RORB: variants seen among roughly 807,000 people sequenced by gnomAD.
The protein encoded by RORB is nuclear receptor ROR-beta.
A neutral mutation model predicts 59.1 loss-of-function variants in RORB; 6 were observed. That is an observed-to-expected ratio of 0.10 (90% CI 0.06 to 0.20). The LOEUF is 0.20. Ranked by LOEUF, RORB falls within the 10% of genes least tolerant of loss-of-function variation. The pLI, the probability that RORB is intolerant of heterozygous loss-of-function variation, is 1.00. For synonymous variants in RORB, 215 were observed against 204.5 expected (o/e 1.05, Z -0.44); for missense variants, 320 against 560.5 (o/e 0.57, Z 4.33).
At chr9:74,637,436 T>G (rs750455721) in intron 3 of RORB, among the ~76,000 whole-genome samples, 1 of 152,186 alleles carries the variant, frequency 6.6e-6, no homozygotes, top group Non-Finnish European at 1.5e-5. Context: ...AAATTTAGCT[T>G]AAACGAAGAA....
chr9:74,507,149 T>C (rs920747492), intron 1 of RORB, among the ~76,000 whole-genome samples: 1 of 152,114 alleles, frequency 6.6e-6, no homozygotes, highest in Non-Finnish European at 1.5e-5. Flanking sequence ...ATGTTATGCC[T>C]GGGCCAGTGT....
chr9:74,649,680 A>C lies in RORB; in HGVS notation c.637+6865A>C, dbSNP rs145710122. Among the ~76,000 whole-genome samples the C allele has an allele frequency of 1.3e-3, 202 of 152,340 alleles. 1 individual carries two copies. The highest frequency in any genetic ancestry group is 4.6e-3 in the African/African-American group (193 of 41,572). On this transcript the variant is annotated intron_variant, in intron 4 of 9. Transcript: ENST00000376896. ...ATAAATGGTAGAATGTATACAAAGC[A>C]CTTTGTAACCAGCCAGTTTCCAAAC...
chr9:74,582,741 CT>C (rs1296700306), intron 1 of RORB, among the ~76,000 whole-genome samples: 2 of 152,174 alleles, frequency 1.3e-5, no homozygotes, highest in Non-Finnish European at 2.9e-5. Flanking sequence ...ACCCTGCCGT[CT>C]TGTGCCCATC....
intron 1 of RORB, among the ~76,000 whole-genome samples, chr9:74,599,331 C>T (rs901505747): frequency 5.9e-5 from 9 of 151,888 alleles, no homozygotes; most frequent in East Asian, 5.8e-4. Flanking sequence ...AAAAATGCCA[C>T]GAATTGAAAT....
At chr9:74,683,547 A>T (rs1444093513) in intron 9 of RORB, among the ~76,000 whole-genome samples, 4 of 152,142 alleles carry the variant, frequency 2.6e-5, no homozygotes, top group African/African-American at 9.7e-5. Context: ...CCACTGCTGC[A>T]GCGACTCTGA....
At chr9:74,609,060 T>C (rs1359211614) in intron 1 of RORB, among the ~76,000 whole-genome samples, 3 of 152,228 alleles carry the variant, frequency 2.0e-5, no homozygotes, top group Non-Finnish European at 4.4e-5. Context: ...TATACCCCCA[T>C]TATTCCCATA....
At chr9:74,665,193 A>G (rs1399672618) in intron 6 of RORB, among the ~76,000 whole-genome samples, 3 of 152,226 alleles carry the variant, frequency 2.0e-5, no homozygotes, top group Non-Finnish European at 4.4e-5. Context: ...AATTCCTCAT[A>G]TAAGTATCAA....
At chr9:74,568,356 A>C (rs17612113) in intron 1 of RORB, among the ~76,000 whole-genome samples, 15,180 of 152,114 alleles carry the variant, frequency 0.1, 987 homozygotes, top group Non-Finnish European at 0.13. Flanking sequence ...AATGATGAAA[A>C]TTAGCACAAT....
chr9:74,498,010 TC>T (rs746181141), intron 1 of RORB, 27 bp downstream of exon 1: 24 of 1,606,036 alleles, frequency 1.5e-5, no homozygotes, highest in Non-Finnish European at 2.0e-5. Context: ...GCACCGAGGC[TC>T]CCCGAGTCCG....
intron 1 of RORB, among the ~76,000 whole-genome samples, chr9:74,608,596 G>A (rs1399236444): frequency 6.7e-6 from 1 of 150,094 alleles, no homozygotes; most frequent in Non-Finnish European, 1.5e-5. Flanking sequence ...TAGTTCCTTT[G>A]TTTTCTATTC....
intron 1 of RORB, among the ~76,000 whole-genome samples, chr9:74,523,151 A>T (rs955410348): frequency 6.6e-6 from 1 of 151,642 alleles, no homozygotes; most frequent in Non-Finnish European, 1.5e-5. Context: ...ACATTTTCTT[A>T]CAAGTCTGTT....
chr9:74,636,811 A>T (rs1823711592), intron 3 of RORB, among the ~76,000 whole-genome samples: 1 of 152,180 alleles, frequency 6.6e-6, no homozygotes. Flanking sequence ...GTAGCAGAAG[A>T]GAAAACAAAT....
intron 1 of RORB, among the ~76,000 whole-genome samples, chr9:74,500,904 TTGTC>T (rs1587328173): frequency 6.6e-6 from 1 of 151,884 alleles, no homozygotes; most frequent in Non-Finnish European, 1.5e-5. Flanking sequence ...CTTTCATCCT[TTGTC>T]TGTGAGAGGG....
At chr9:74,648,644 C>T (rs1286544453) in intron 4 of RORB, among the ~76,000 whole-genome samples, 1 of 152,162 alleles carries the variant, frequency 6.6e-6, no homozygotes, top group African/African-American at 2.4e-5. Flanking sequence ...ATGACCCAGC[C>T]AAACATGCAG....
intron 1 of RORB, among the ~76,000 whole-genome samples, chr9:74,523,796 G>A (rs1300226720): frequency 2.0e-5 from 3 of 151,716 alleles, no homozygotes. Flanking sequence ...GTTTCCTGTT[G>A]AATCTTCCTT....
chr9:74,540,157 A>T (rs1826383314), intron 1 of RORB, among the ~76,000 whole-genome samples: 1 of 152,010 alleles, frequency 6.6e-6, no homozygotes, highest in Non-Finnish European at 1.5e-5. Context: ...TTTAAAAAAT[A>T]TATTTTGTTT....
chr9:74,539,436 A>G (rs906318190), intron 1 of RORB, among the ~76,000 whole-genome samples: 1 of 152,186 alleles, frequency 6.6e-6, no homozygotes, highest in Non-Finnish European at 1.5e-5. Flanking sequence ...AACAAATAAA[A>G]GAAACAAAAT....
rs140669220 is a variant in RORB at position 74,589,092 on chromosome 9, G to A, written c.8-41190G>A. On this transcript the variant is annotated intron_variant, in intron 1 of 9. Transcript: ENST00000376896. ...AGGACTTATTGGATGTCCAATTACAGAGCACCTCAGAAACATCACTTGAAA... is the reference window on the plus strand; with the variant it reads ...AGGACTTATTGGATGTCCAATTACAAAGCACCTCAGAAACATCACTTGAAA... Among the ~76,000 whole-genome samples, 887 of 152,268 alleles carry A rather than the reference G, an allele frequency of 5.8e-3. 6 individuals carry two copies. The highest frequency in any genetic ancestry group is 8.5e-3 in the Non-Finnish European group (575 of 68,022).
At chr9:74,504,427 CA>C (rs879727047) in intron 1 of RORB, among the ~76,000 whole-genome samples, 3 of 151,828 alleles carry the variant, frequency 2.0e-5, no homozygotes, top group Non-Finnish European at 4.4e-5. Flanking sequence ...TTACAAAAGC[CA>C]AAACGAACAT....
Sources: allele counts gnomAD v4.1 joint callset (sites outside exome capture counted in the v4.1 genomes callset), GRCh38; gene constraint gnomAD v4.1.1; transcripts MANE v1.5; gene names NCBI Gene and HGNC (gene_info 2026-07-23, HGNC 2026-07-21).